The following TTLL8 variants were observed in gnomAD, a reference collection of about 807,000 sequenced individuals.
The protein encoded by TTLL8 is protein monoglycylase TTLL8.
TTLL8 carries 65 observed loss-of-function variants against 77.8 expected under a neutral mutation model. The ratio of observed to expected loss-of-function variants is 0.84; its 90% CI spans 0.68 to 1.03. The LOEUF (loss-of-function observed/expected upper bound fraction) is 1.03, where lower values mean the gene tolerates loss of function less well. Among genes scored for constraint, TTLL8 ranks in the 50% least tolerant of loss-of-function variants. The probability of loss-of-function intolerance (pLI) is 0.00; values close to 1 mark genes in which losing one functional copy is unlikely to be tolerated. For synonymous variants in TTLL8, 402 were observed against 422.8 expected (o/e 0.95, Z 0.60); for missense variants, 910 against 1,004.5 (o/e 0.91, Z 1.27).
Position 50,044,211 on chromosome 22 carries a change from G to A in TTLL8, c.643+1044C>T, listed in dbSNP as rs1451306392. 1.3e-5 allele frequency among the ~76,000 whole-genome samples: 2 copies of A among 151,926 alleles called. No homozygotes were observed. The highest frequency in any genetic ancestry group is 4.8e-5 in the African/African-American group (2 of 41,352). On this transcript the variant is annotated intron_variant, in intron 6 of 13. Transcript: ENST00000266182. This position sits in a 1 kb window ranked among gnomAD's most constrained non-coding sequence, Gnocchi z 4.2. ...CGTGGTGGTGGGCACCCAACTACTC[G>A]GGAGGCTGAGACAGGAGAATCGCTT...
At chr22:50,025,411 C>T (rs963403772) in intron 12 of TTLL8, among the ~76,000 whole-genome samples, 2 of 152,058 alleles carry the variant, frequency 1.3e-5, no homozygotes, top group African/African-American at 2.4e-5. Context: ...TCAGGCCTGT[C>T]ATCCCAGCAC....
chr22:50,033,054 A>C (rs1035500867), intron 10 of TTLL8, 148 bp downstream of exon 11: 1 of 1,078,958 alleles, frequency 9.3e-7, no homozygotes, highest in African/African-American at 1.6e-5. Flanking sequence ...CAGCCTCCCA[A>C]GCCTCAGTTT....
At chr22:50,033,253 T>C (rs1244191803) in exon 10 of TTLL8, 1 of 1,359,676 alleles carries the variant, frequency 7.4e-7, no homozygotes, top group African/African-American at 1.5e-5. Context: ...CAAGTAACTC[T>C]CCTTGTAGAA....
At chr22:50,019,668 T>A (rs1224890356) in intron 12 of TTLL8, among the ~76,000 whole-genome samples, 1 of 152,154 alleles carries the variant, frequency 6.6e-6, no homozygotes, top group Non-Finnish European at 1.5e-5. Context: ...TGAGGCTGCC[T>A]CAGTTCACAC....
exon 4 of TTLL8, chr22:50,047,175 G>A (rs779981670): frequency 1.5e-6 from 2 of 1,367,494 alleles, no homozygotes; most frequent in Non-Finnish European, 9.8e-7. Context: ...CACCTTGGTG[G>A]TGAAGGAGGC....
chr22:50,043,060 A>G (rs777961366), intron 6 of TTLL8, among the ~76,000 whole-genome samples: 4 of 152,258 alleles, frequency 2.6e-5, no homozygotes, highest in Non-Finnish European at 5.9e-5. Context: ...AACGTTATTC[A>G]TGATCGTCAA....
In TTLL8 at chr22:50,044,317, C is replaced by CAAAAAAA. The variant is rs1016383243; in HGVS notation, c.643+931_643+937dup. 7.6e-6 allele frequency among the ~76,000 whole-genome samples: 1 copy of CAAAAAAA among 131,766 alleles called. No homozygotes were observed. 86.4% of individuals were successfully genotyped at this position (131,766 alleles called of 152,430 possible). ...TGGGTGACAGAGCAAGACTCCATCT[C>CAAAAAAA]AAAAAAAAAAAAACATTAATTAGGA... On this transcript the variant is annotated intron_variant, in intron 6 of 13. Coordinates refer to ENST00000266182, the Ensembl canonical transcript of TTLL8. This position sits in a 1 kb window ranked among gnomAD's most constrained non-coding sequence, Gnocchi z 4.2.
chr22:50,031,744 A>G (rs1176167482), exon 11 of TTLL8: 1 of 1,355,398 alleles, frequency 7.4e-7, no homozygotes, highest in Non-Finnish European at 9.9e-7. Flanking sequence ...GGCCACCTTG[A>G]TGGTGTCCTC....
At chr22:50,033,105 G>T in intron 10 of TTLL8, 97 bp downstream of exon 11, 1 of 1,235,490 alleles carries the variant, frequency 8.1e-7, no homozygotes, top group Non-Finnish European at 1.1e-6. Flanking sequence ...GCAGTGAGGG[G>T]GCCCTGCCCG....
chr22:50,041,838 G>A lies in TTLL8; in HGVS notation c.644-31C>T, dbSNP rs752455621. 8.2e-6 allele frequency: 11 copies of A among 1,342,648 alleles called. No individual in the cohort carries two copies. The African/African-American group carries it at 1.5e-4, about 18-fold the overall frequency. The allele number at this position is 1,342,648 out of a possible 1,614,324, so 83.2% of individuals were successfully genotyped here. The stretch of plus-strand genomic sequence containing the variant: ...ACCCAGACACAGGCACATGCAGTGG[G>A]AACCTCACCCAGGGGCAGCCCTGCC... On this transcript the variant is annotated intron_variant, in intron 6 of 13. Transcript: ENST00000266182. The surrounding 1 kb of genome is among the most constrained non-coding windows in gnomAD (Gnocchi z 4.3).
chr22:50,038,300 T>G (rs2061349372), intron 8 of TTLL8, among the ~76,000 whole-genome samples: 1 of 152,132 alleles, frequency 6.6e-6, no homozygotes, highest in Non-Finnish European at 1.5e-5. Context: ...ATATGAACAA[T>G]CATATCATCT....
chr22:50,042,709 C>T (rs1212019536), intron 6 of TTLL8, among the ~76,000 whole-genome samples: 2 of 152,144 alleles, frequency 1.3e-5, no homozygotes, highest in Admixed American at 6.5e-5. Context: ...ACGGGAGGAT[C>T]GCTGGAGCCT....
chr22:50,043,864 G>A (rs2061391767), intron 6 of TTLL8, among the ~76,000 whole-genome samples: 1 of 152,160 alleles, frequency 6.6e-6, no homozygotes, highest in South Asian at 2.1e-4. Context: ...GAGCTCGGGG[G>A]CGGGGGGATG....
At chr22:50,038,454 GGA>G (rs1030943239) in intron 8 of TTLL8, among the ~76,000 whole-genome samples, 18 of 152,002 alleles carry the variant, frequency 1.2e-4, no homozygotes, top group African/African-American at 4.3e-4. Context: ...ATTTCAAGGA[GGA>G]CACTCTCAAT....
chr22:50,038,813 C>CA (rs958725665), intron 8 of TTLL8, among the ~76,000 whole-genome samples: 87 of 135,760 alleles, frequency 6.4e-4, no homozygotes, highest in East Asian at 2.1e-3. Context: ...ACCCCAATCT[C>CA]AAAAAAAAAA....
At chr22:50,037,445 T>A (rs2061344598) in intron 8 of TTLL8, among the ~76,000 whole-genome samples, 1 of 152,194 alleles carries the variant, frequency 6.6e-6, no homozygotes, top group South Asian at 2.1e-4. Context: ...GACCTCATGA[T>A]CTGCCCGCCT....
chr22:50,047,929 T>C (rs2061422437), intron 3 of TTLL8, among the ~76,000 whole-genome samples: 1 of 152,092 alleles, frequency 6.6e-6, no homozygotes, highest in African/African-American at 2.4e-5. Context: ...GAAACTCGTC[T>C]CTACTAAAAA....
intron 12 of TTLL8, among the ~76,000 whole-genome samples, chr22:50,019,948 A>G (rs1224332278): frequency 6.6e-6 from 1 of 152,234 alleles, no homozygotes; most frequent in Admixed American, 6.5e-5. Context: ...TGATGAAAGA[A>G]AAAACATACC....
At chr22:50,021,481 C>G (rs1336237436) in intron 12 of TTLL8, among the ~76,000 whole-genome samples, 4 of 146,084 alleles carry the variant, frequency 2.7e-5, no homozygotes, top group Non-Finnish European at 6.0e-5. Flanking sequence ...ACTCCTCCAT[C>G]TGACATGCAC....
Sources: gnomAD v4.1 joint callset for allele counts (sites outside exome capture counted in the v4.1 genomes callset) on GRCh38, gnomAD v4.1.1 for gene constraint, Gnocchi (gnomAD v3.1) non-coding constraint, MANE v1.5 for transcripts, NCBI Gene and HGNC (gene_info 2026-07-23, HGNC 2026-07-21) for gene names.